GSE1: variants seen among roughly 807,000 people sequenced by gnomAD.
GSE1 encodes genetic suppressor element 1.
Under a neutral mutation model 112.6 loss-of-function variants are expected in GSE1, and 32 were observed. The ratio of observed to expected loss-of-function variants is 0.28; its 90% CI spans 0.21 to 0.38. The LOEUF is 0.38. Ranked by LOEUF, GSE1 falls within the 10% of genes least tolerant of loss-of-function variation. The pLI is 1.00. For missense variants in GSE1, 2,348 were observed against 1,699.2 expected (o/e 1.38, Z -6.71); for synonymous variants, 1,115 against 735.6 (o/e 1.52, Z -8.35).
chr16:85,639,369 C>T (rs963277033), intron 2 of GSE1, among the ~76,000 whole-genome samples: 5 of 152,208 alleles, frequency 3.3e-5, no homozygotes. Flanking sequence ...TCTGCACAGA[C>T]ACCCAACCAC....
exon 1 of GSE1, chr16:85,556,285 T>C: frequency 1.0e-6 from 1 of 983,812 alleles, no homozygotes; most frequent in Non-Finnish European, 1.2e-6. Flanking sequence ...TTATTTTCCT[T>C]CTTCATCCCT....
chr16:85,672,532 C>G lies in GSE1; in HGVS notation c.3647C>G (p.Pro1216Arg). The change falls in exon 16 of 16, where the codon CCC (proline) becomes CGC (arginine). Residue 1216 changes from proline (P) to arginine (R), a missense_variant. Transcript: ENST00000253458. Reference sequence around the variant, plus strand: ...CCTAGGGGCTACCTGAAGGGATATCCCAGGTGACGGTTTCCCTTGCACTAG... The same window carrying G: ...CCTAGGGGCTACCTGAAGGGATATCGCAGGTGACGGTTTCCCTTGCACTAG... ...HWPRGYLKGY[P>R]R 6.2e-7 allele frequency: 1 copy of G among 1,603,420 alleles called. No homozygotes were observed. Among genetic ancestry groups the G allele is most frequent in the South Asian group, 1.1e-5 (1 of 90,456 alleles).
At chr16:85,215,675 A>C (rs960252581) in intron 1 of GSE1, among the ~76,000 whole-genome samples, 1 of 152,220 alleles carries the variant, frequency 6.6e-6, no homozygotes, top group Non-Finnish European at 1.5e-5. Context: ...ACATTCACAG[A>C]GTGCCTGCTG....
At chr16:85,483,687 A>C (rs957782423) in intron 2 of GSE1, among the ~76,000 whole-genome samples, 1 of 152,272 alleles carries the variant, frequency 6.6e-6, no homozygotes, top group South Asian at 2.1e-4. Flanking sequence ...CATGCTGGCA[A>C]AAGCGTTTGC....
intron 2 of GSE1, among the ~76,000 whole-genome samples, chr16:85,495,999 A>G (rs934964210): frequency 1.3e-5 from 2 of 152,054 alleles, no homozygotes; most frequent in Non-Finnish European, 2.9e-5. Flanking sequence ...CCGCGGGGGG[A>G]CCTGCCTCAG....
At chr16:85,398,768 T>C (rs2048024163) in intron 2 of GSE1, among the ~76,000 whole-genome samples, 1 of 152,078 alleles carries the variant, frequency 6.6e-6, no homozygotes, top group Non-Finnish European at 1.5e-5. Flanking sequence ...TGGAAGAAAA[T>C]GTCACTTTCT....
chr16:85,405,028 C>CT (rs201971942), intron 2 of GSE1, among the ~76,000 whole-genome samples: 2 of 35,594 alleles, frequency 5.6e-5, no homozygotes, highest in Admixed American at 2.4e-4. Flanking sequence ...TCAGGCCCCC[C>CT]GGATAATCCT....
chr16:85,666,495 C>T, intron 13 of GSE1, 148 bp downstream of exon 13: 2 of 730,464 alleles, frequency 2.7e-6, no homozygotes, highest in South Asian at 3.7e-5. Flanking sequence ...CGTTATTATG[C>T]CAAAACCATG....
chr16:85,172,509 G>A (rs374613294), intron 1 of GSE1, among the ~76,000 whole-genome samples: 1 of 152,230 alleles, frequency 6.6e-6, no homozygotes, highest in African/African-American at 2.4e-5. Flanking sequence ...CCTGCTGCCC[G>A]CCCGCGAGGA....
intron 1 of GSE1, among the ~76,000 whole-genome samples, chr16:85,568,170 A>G (rs1462360484): frequency 6.6e-6 from 1 of 152,162 alleles, no homozygotes; most frequent in Non-Finnish European, 1.5e-5. Context: ...GTGTTTCCAG[A>G]GAGTGGTAGC....
intron 2 of GSE1, among the ~76,000 whole-genome samples, chr16:85,432,563 A>T (rs1392892410): frequency 6.6e-6 from 1 of 152,194 alleles, no homozygotes; most frequent in Non-Finnish European, 1.5e-5. Context: ...CTGCAAGCAC[A>T]TATGTTGCAC....
chr16:85,425,917 C>T (rs187771559), intron 2 of GSE1, among the ~76,000 whole-genome samples: 299 of 152,332 alleles, frequency 2.0e-3, no homozygotes, highest in African/African-American at 7.0e-3. Flanking sequence ...GGTGGAGTTT[C>T]CTGCCCACAG....
chr16:85,539,553 G>A (rs2044448646), intron 2 of GSE1, among the ~76,000 whole-genome samples: 1 of 152,194 alleles, frequency 6.6e-6, no homozygotes, highest in South Asian at 2.1e-4. Context: ...GGTGGGGGGT[G>A]CTTGTTTTGG....
chr16:85,540,990 G>A (rs1435971116), intron 2 of GSE1, among the ~76,000 whole-genome samples: 3 of 152,192 alleles, frequency 2.0e-5, no homozygotes, highest in Non-Finnish European at 2.9e-5. Context: ...AGGCCACTTC[G>A]CCAAGCAGGG....
chr16:85,664,624 G>T (rs539068486), intron 11 of GSE1: 6 of 176,060 alleles, frequency 3.4e-5, no homozygotes, highest in East Asian at 1.6e-4. Context: ...TGGTAGGAGT[G>T]GGGGAGAAGG....
chr16:85,372,886 G>A (rs1360244124), intron 2 of GSE1, among the ~76,000 whole-genome samples: 1 of 152,236 alleles, frequency 6.6e-6, no homozygotes, highest in Non-Finnish European at 1.5e-5. Context: ...TAAGGAGGAG[G>A]GGAAAAGTGA....
chr16:85,272,581 G>A (rs1908949169), intron 1 of GSE1, among the ~76,000 whole-genome samples: 1 of 152,212 alleles, frequency 6.6e-6, no homozygotes, highest in South Asian at 2.1e-4. Context: ...GGGTGGAGCC[G>A]TGCTCAGAGC....
At chr16:85,451,906 T>C (rs1265051129) in intron 2 of GSE1, among the ~76,000 whole-genome samples, 2 of 152,148 alleles carry the variant, frequency 1.3e-5, no homozygotes, top group Non-Finnish European at 2.9e-5. Flanking sequence ...ACTGCTAGGC[T>C]CCTCATAACA....
intron 2 of GSE1, among the ~76,000 whole-genome samples, chr16:85,523,619 C>G (rs893010537): frequency 6.6e-6 from 1 of 152,212 alleles, no homozygotes; most frequent in Non-Finnish European, 1.5e-5. Flanking sequence ...GGAGCTGATG[C>G]AGTTCCAGGG....
Sources: allele counts gnomAD v4.1 joint callset (sites outside exome capture counted in the v4.1 genomes callset), GRCh38; gene constraint gnomAD v4.1.1; transcripts MANE v1.5; gene names NCBI Gene and HGNC (gene_info 2026-07-23, HGNC 2026-07-21).